Variants in WRNIP1 observed in about 807,000 individuals in gnomAD.
WRNIP1 encodes WRN helicase interacting protein 1.
Under a neutral mutation model 56.1 loss-of-function variants are expected in WRNIP1, and 41 were observed. That is an observed-to-expected ratio of 0.73 (90% CI 0.57 to 0.95). The LOEUF (loss-of-function observed/expected upper bound fraction) is 0.95. WRNIP1 is among the 40% of genes least tolerant of loss of function. WRNIP1 has a pLI of 0.00. For missense variants in WRNIP1, 1,170 were observed against 939.4 expected, an observed-to-expected ratio of 1.25 and a Z score of -3.21; for synonymous variants, 547 against 398.1, an observed-to-expected ratio of 1.37 and a Z score of -4.45.
chr6:2,769,707 G>A (rs3757088), intron 2 of WRNIP1, among the ~76,000 whole-genome samples: 21,059 of 152,178 alleles, frequency 0.14, 1,824 homozygotes, highest in East Asian at 0.32. Flanking sequence ...ATGATTGAGT[G>A]CTTGCTGTGG....
Position 2,765,441 on chromosome 6 carries a change from C to A in WRNIP1, c.-182C>A. 1.5e-6 allele frequency: 1 copy of A among 659,766 alleles called. No individual in the cohort carries two copies. Among genetic ancestry groups the A allele is most frequent in the Non-Finnish European group, 2.1e-6 (1 of 478,860 alleles). 40.9% of individuals were successfully genotyped at this position (659,766 alleles called of 1,614,324 possible). ...GGCGCTGCCAGCGGCCGGCCGAGGG[C>A]GGGCGGACGCGGGAGCTGCGGACGT... On this transcript the variant is annotated 5_prime_UTR_variant, in exon 1 of 7. Transcript: ENST00000380773.
intron 2 of WRNIP1, 148 bp downstream of exon 2, chr6:2,769,030 C>T: frequency 4.2e-6 from 3 of 715,324 alleles, no homozygotes; most frequent in Non-Finnish European, 6.4e-6. Context: ...GCCTATTTCT[C>T]CATACATTTC....
Position 2,765,820 on chromosome 6 carries a change from GC to G in WRNIP1, c.201del (p.Gly68AlafsTer13). On this transcript the variant is annotated frameshift_variant, in exon 1 of 7. Coordinates refer to ENST00000380773, the MANE Select transcript of WRNIP1 (RefSeq NM_020135.3). LOFTEE classifies it high-confidence loss of function. ...AGERAKGPSP[P>X]GAKRRRLSES... ...GGGAGCGGGCCAAGGGGCCCTCGCC[GC>G]CCGGCGCCAAGAGGCGGCGGCTGTC... The G allele has an allele frequency of 7.4e-7, 1 of 1,355,098 alleles. No homozygotes were observed. Among genetic ancestry groups the G allele is most frequent in the South Asian group, 1.8e-5 (1 of 55,702 alleles). The allele number at this position is 1,355,098 out of a possible 1,614,324, so 83.9% of individuals were successfully genotyped here. A position where few individuals can be genotyped will look rare whatever the true frequency, so the allele number is the denominator to read the frequency against.
chr6:2,770,500 AAG>A, intron 3 of WRNIP1, 139 bp downstream of exon 3: 1 of 1,279,584 alleles, frequency 7.8e-7, no homozygotes, highest in Non-Finnish European at 1.0e-6. Context: ...ATGAAAATAA[AAG>A]AGGAGGGAAA....
chr6:2,785,312 T>C lies in WRNIP1; in HGVS notation c.*30T>C. The C allele has an allele frequency of 6.3e-7, 1 of 1,599,506 alleles. No homozygotes were observed. The highest frequency in any genetic ancestry group is 1.1e-5 in the South Asian group (1 of 90,376). ...TCAGGGCACGACAGCAGAAGGATGTTGCTTTTTTAAGGGAGGGCCAGAAAG... is the reference window on the plus strand; with the variant it reads ...TCAGGGCACGACAGCAGAAGGATGTCGCTTTTTTAAGGGAGGGCCAGAAAG... On this transcript the variant is annotated 3_prime_UTR_variant, in exon 7 of 7. Transcript: ENST00000380773.
At chr6:2,779,188 G>T in intron 3 of WRNIP1, 75 bp from the exon 4 acceptor site, 2 of 1,459,526 alleles carry the variant, frequency 1.4e-6, no homozygotes, top group Non-Finnish European at 1.9e-6. Context: ...TGAGAAGTAT[G>T]AGTTTCTAAG....
Position 2,768,890 on chromosome 6 carries a change from A to G in WRNIP1, c.1014+8A>G, listed in dbSNP as rs906124738. The G allele has an allele frequency of 1.7e-5, 27 of 1,602,498 alleles. No homozygotes were observed. The highest frequency in any genetic ancestry group is 5.1e-6 in the Non-Finnish European group (6 of 1,173,922). On this transcript the variant is annotated splice_region_variant and intron_variant, in intron 2 of 6. Coordinates refer to ENST00000380773, the MANE Select transcript of WRNIP1 (RefSeq NM_020135.3). ...TTCAATAAATCTCAGCAGGTATATT[A>G]ACTTCCTTCTACCTTTTGGTCGTTG...
intron 3 of WRNIP1, among the ~76,000 whole-genome samples, chr6:2,775,232 T>C (rs1315670691): frequency 6.6e-6 from 1 of 152,152 alleles, no homozygotes; most frequent in African/African-American, 2.4e-5. Context: ...TTTTCTCTCT[T>C]GGCACTTCTT....
chr6:2,766,654 G>A (rs1190595346), intron 1 of WRNIP1, among the ~76,000 whole-genome samples: 3 of 152,210 alleles, frequency 2.0e-5, no homozygotes, highest in Non-Finnish European at 4.4e-5. Context: ...AGATTGGTAA[G>A]GCAGGCTTGC....
chr6:2,768,017 A>G (rs994520757), intron 1 of WRNIP1, among the ~76,000 whole-genome samples: 3 of 152,196 alleles, frequency 2.0e-5, no homozygotes, highest in African/African-American at 4.8e-5. Context: ...ATCCTTTAGT[A>G]CTAATAACAA....
At chr6:2,779,067 A>G (rs1023440449) in intron 3 of WRNIP1, among the ~76,000 whole-genome samples, 196 bp from the exon 4 acceptor site, 7 of 152,246 alleles carry the variant, frequency 4.6e-5, no homozygotes, top group Admixed American at 1.3e-4. Context: ...ATACAGGGCG[A>G]TAACCTGGTG....
At position 2,783,498 on chromosome 6, in the gene WRNIP1, G is replaced by C. The variant is rs375911501; in HGVS notation, c.1579G>C (p.Glu527Gln). 6.2e-7 allele frequency: 1 copy of C among 1,613,950 alleles called. No individual in the cohort carries two copies. The highest frequency in any genetic ancestry group is 2.2e-5 in the East Asian group (1 of 44,872). The change falls in exon 5 of 7, where the codon GAG (glutamate) becomes CAG (glutamine). Residue 527 changes from glutamate (E) to glutamine (Q), a missense_variant. Physicochemically the swap from Glu to Gln is conservative, Grantham distance 29. Coordinates refer to ENST00000380773, the MANE Select transcript of WRNIP1 (RefSeq NM_020135.3). Reference protein sequence around the residue: ...ASLYWLARMLEGGEDPLYVAR... With the variant: ...ASLYWLARMLQGGEDPLYVAR... ...CCTCTACTGGCTGGCTCGCATGCTC[G>C]AGGGAGGAGAGGACCCACTCTACGT...
chr6:2,784,705 C>T (rs190572221), intron 6 of WRNIP1, among the ~76,000 whole-genome samples: 1 of 152,180 alleles, frequency 6.6e-6, no homozygotes, highest in East Asian at 1.9e-4. Flanking sequence ...AGTTCGCCCC[C>T]AGAGCAGCTT....
chr6:2,767,780 G>A (rs1765090950), intron 1 of WRNIP1, among the ~76,000 whole-genome samples: 1 of 152,222 alleles, frequency 6.6e-6, no homozygotes, highest in African/African-American at 2.4e-5. Context: ...CAAATGCCAG[G>A]CAAGAGGTTT....
At chr6:2,780,277 A>G (rs1363737994) in intron 4 of WRNIP1, among the ~76,000 whole-genome samples, 1 of 152,236 alleles carries the variant, frequency 6.6e-6, no homozygotes, top group Non-Finnish European at 1.5e-5. Context: ...AAGGAGGCTG[A>G]TAATTGAATG....
chr6:2,772,929 T>G, intron 3 of WRNIP1: 1 of 976,194 alleles, frequency 1.0e-6, no homozygotes, highest in Non-Finnish European at 1.2e-6. Context: ...ACTTACTTTC[T>G]CTCTCCAGGA....
rs550043819 is a variant in WRNIP1 at position 2,774,747 on chromosome 6, C to T, written c.1256+4386C>T. ...TCCATGGGATTAAACAGAAAGACGT[C>T]GTCATCTGAAATGTACCTTCTCTCT... On this transcript the variant is annotated intron_variant, in intron 3 of 6. Coordinates refer to ENST00000380773, the MANE Select transcript of WRNIP1 (RefSeq NM_020135.3). Among the ~76,000 whole-genome samples the T allele has an allele frequency of 4.6e-5, 7 of 152,296 alleles. No homozygotes were observed. The South Asian group carries it at 6.2e-4, about 14-fold the overall frequency.
In WRNIP1 at chr6:2,783,653, T is replaced by TTTTTGGGG; in HGVS notation, c.1642+92_1642+93insTTTTGGGG. 7.4e-4 allele frequency: 89 copies of TTTTTGGGG among 120,088 alleles called. 1 individual carries two copies. Among genetic ancestry groups the TTTTTGGGG allele is most frequent in the East Asian group, 2.1e-3 (6 of 2,894 alleles). The allele number at this position is 120,088 out of a possible 1,614,324, so 7.4% of individuals were successfully genotyped here. On this transcript the variant is annotated intron_variant, in intron 5 of 6. Transcript: ENST00000380773. ...TCGTGGCTTTTTTTTTTTTTTTTTT[T>TTTTTGGGG]GCAGGGCGGGGTGGGCGGGGGTAGC...
chr6:2,769,887 C>T (rs1765201531), intron 2 of WRNIP1, among the ~76,000 whole-genome samples: 1 of 152,154 alleles, frequency 6.6e-6, no homozygotes, highest in African/African-American at 2.4e-5. Context: ...ATTAGTCTAC[C>T]AGCAAGAGAT....
Sources: gnomAD v4.1 joint callset for allele counts (sites outside exome capture counted in the v4.1 genomes callset) on GRCh38, gnomAD v4.1.1 for gene constraint, MANE v1.5 for transcripts, NCBI Gene and HGNC (gene_info 2026-07-23, HGNC 2026-07-21) for gene names.